The following RALY variants were observed in gnomAD, a reference collection of about 807,000 sequenced individuals.
The protein encoded by RALY is RALY heterogeneous nuclear ribonucleoprotein, also known as RNA-binding protein Raly.
A neutral mutation model predicts 30.7 loss-of-function variants in RALY; 15 were observed. The ratio of observed to expected loss-of-function variants is 0.49; its 90% CI spans 0.33 to 0.75. The LOEUF is 0.75. RALY is among the 30% of genes least tolerant of loss of function. The probability of loss-of-function intolerance (pLI) is 0.02; values close to 1 mark genes in which losing one functional copy is unlikely to be tolerated. For synonymous variants in RALY, 177 were observed against 170.8 expected (o/e 1.04, Z -0.28); for missense variants, 339 against 414.3 (o/e 0.82, Z 1.58).
In RALY at chr20:34,082,786, A is replaced by T. The variant is rs1006801130; in HGVS notation, c.*2881A>T. On this transcript the variant is annotated 3_prime_UTR_variant, in exon 10 of 10. Coordinates refer to ENST00000246194, the MANE Select transcript of RALY (RefSeq NM_016732.3). ...CTGAGTCGGGGCAGCAAAAACATCCATTCCGCTGCGCAACAGTTGTCATTT... is the reference window on the plus strand; with the variant it reads ...CTGAGTCGGGGCAGCAAAAACATCCTTTCCGCTGCGCAACAGTTGTCATTT... 1 of 152,206 alleles carries T rather than the reference A, an allele frequency of 6.6e-6. No individual in the cohort carries two copies. Among genetic ancestry groups the T allele is most frequent in the African/African-American group, 2.4e-5 (1 of 41,446 alleles). 9.4% of individuals were successfully genotyped at this position (152,206 alleles called of 1,614,324 possible).
intron 1 of RALY, among the ~76,000 whole-genome samples, chr20:33,998,403 G>T (rs2030742738): frequency 6.6e-6 from 1 of 152,204 alleles, no homozygotes; most frequent in African/African-American, 2.4e-5. Context: ...GTTCTAGGTA[G>T]AAGGAACAGT....
At chr20:34,057,725 T>C (rs1352243514) in intron 2 of RALY, among the ~76,000 whole-genome samples, 1 of 149,812 alleles carries the variant, frequency 6.7e-6, no homozygotes, top group Non-Finnish European at 1.5e-5. Context: ...AGAAATGATA[T>C]GGTAATATTG....
At chr20:34,077,412 C>T in intron 8 of RALY, 167 bp downstream of exon 8, 1 of 1,449,288 alleles carries the variant, frequency 6.9e-7, no homozygotes, top group Non-Finnish European at 9.2e-7. Context: ...GAGCAGGGGG[C>T]ACTTGCCTAT....
intron 2 of RALY, among the ~76,000 whole-genome samples, chr20:34,068,213 T>G (rs1254233995): frequency 6.6e-6 from 1 of 152,128 alleles, no homozygotes; most frequent in Admixed American, 6.5e-5. Context: ...TGCTCTCAAT[T>G]ACACAGCTAA....
At chr20:34,016,137 C>A (rs182012537) in intron 1 of RALY, among the ~76,000 whole-genome samples, 10 of 152,318 alleles carry the variant, frequency 6.6e-5, no homozygotes, top group Admixed American at 2.0e-4. Context: ...ATGCCACACA[C>A]CGAGTACCAC....
chr20:34,025,682 A>ATT (rs779020697), intron 1 of RALY, among the ~76,000 whole-genome samples: 1 of 146,752 alleles, frequency 6.8e-6, no homozygotes, highest in Non-Finnish European at 1.5e-5. Context: ...GGGACATGCT[A>ATT]TTTTAAAAAA....
chr20:34,038,573 A>G (rs368135211), intron 2 of RALY, among the ~76,000 whole-genome samples: 1 of 152,210 alleles, frequency 6.6e-6, no homozygotes, highest in African/African-American at 2.4e-5. Context: ...CATATCCCCA[A>G]TTAACGTAAA....
At chr20:34,039,684 T>C (rs577658323) in intron 2 of RALY, among the ~76,000 whole-genome samples, 2 of 152,334 alleles carry the variant, frequency 1.3e-5, no homozygotes, top group Admixed American at 1.3e-4. Flanking sequence ...TTGGTTCACC[T>C]GATCCTACTC....
At chr20:33,998,383 A>C (rs1252239626) in intron 1 of RALY, among the ~76,000 whole-genome samples, 1 of 152,242 alleles carries the variant, frequency 6.6e-6, no homozygotes, top group Non-Finnish European at 1.5e-5. Context: ...GAAGAGGCAG[A>C]GATAAGACTG....
intron 1 of RALY, among the ~76,000 whole-genome samples, chr20:34,000,746 G>A (rs980014409): frequency 1.3e-5 from 2 of 152,180 alleles, no homozygotes; most frequent in Admixed American, 1.3e-4. Context: ...TTCCTAGGGA[G>A]TGCTCTACTA....
intron 2 of RALY, among the ~76,000 whole-genome samples, chr20:34,057,406 G>A (rs938839720): frequency 6.6e-6 from 1 of 152,138 alleles, no homozygotes; most frequent in African/African-American, 2.4e-5. Flanking sequence ...GGTGGCTCAC[G>A]CCTGTAATCC....
intron 1 of RALY, among the ~76,000 whole-genome samples, chr20:34,024,421 G>A (rs952890921): frequency 6.6e-6 from 1 of 152,220 alleles, no homozygotes; most frequent in Non-Finnish European, 1.5e-5. Flanking sequence ...GAAAACTAGA[G>A]ATAGCTTCAG....
Position 33,997,196 on chromosome 20 carries a change from A to G in RALY, c.-93+3065A>G, listed in dbSNP as rs576480008. On this transcript the variant is annotated intron_variant, in intron 1 of 9. Transcript: ENST00000246194. ...GGTGGCACGATCTTGGCTCCCTGCA[A>G]CCTCAACCTCCTGGGTTCAAGGGAT... is the stretch of plus-strand genomic sequence containing the variant. Among the ~76,000 whole-genome samples, 23 of 152,140 alleles carry G rather than the reference A, an allele frequency of 1.5e-4. 1 individual carries two copies. The South Asian group carries it at 4.8e-3, about 32-fold the overall frequency.
At chr20:34,027,361 A>G (rs2032082758) in intron 1 of RALY, among the ~76,000 whole-genome samples, 2 of 152,230 alleles carry the variant, frequency 1.3e-5, no homozygotes, top group African/African-American at 2.4e-5. Context: ...GTCATCACCT[A>G]CTTCACAGGG....
chr20:34,016,895 G>C (rs1043148930), intron 1 of RALY, among the ~76,000 whole-genome samples: 52 of 152,266 alleles, frequency 3.4e-4, no homozygotes, highest in African/African-American at 1.2e-3. Context: ...AATTAGAAAT[G>C]GATCAATATG....
At chr20:34,047,948 A>G (rs1601467750) in intron 2 of RALY, among the ~76,000 whole-genome samples, 1 of 152,186 alleles carries the variant, frequency 6.6e-6, no homozygotes, top group Non-Finnish European at 1.5e-5. Context: ...TTCCTTCCTC[A>G]AGTTCAGACC....
intron 2 of RALY, among the ~76,000 whole-genome samples, chr20:34,055,412 G>A (rs535262929): frequency 7.9e-5 from 12 of 152,224 alleles, no homozygotes; most frequent in Non-Finnish European, 1.3e-4. Context: ...GCAGCCTGCC[G>A]CTTTGTATCT....
chr20:34,068,133 G>T (rs2033630184), intron 2 of RALY, among the ~76,000 whole-genome samples: 2 of 152,112 alleles, frequency 1.3e-5, no homozygotes, highest in Non-Finnish European at 2.9e-5. Flanking sequence ...CAGCCACCAA[G>T]AACAATCCTT....
chr20:34,003,849 C>T (rs2031038229), intron 1 of RALY, among the ~76,000 whole-genome samples: 3 of 151,928 alleles, frequency 2.0e-5, no homozygotes, highest in African/African-American at 4.8e-5. Flanking sequence ...CCGTTTTAGC[C>T]GGGATGGTCT....
Sources: gnomAD v4.1 joint callset for allele counts (sites outside exome capture counted in the v4.1 genomes callset) on GRCh38, gnomAD v4.1.1 for gene constraint, MANE v1.5 for transcripts, NCBI Gene and HGNC (gene_info 2026-07-23, HGNC 2026-07-21) for gene names.